CHL1: variants seen among roughly 807,000 people sequenced by gnomAD.
CHL1 encodes the protein cell adhesion molecule L1 like, also known as neural cell adhesion molecule L1-like protein.
CHL1 carries 96 observed loss-of-function variants against 141.9 expected under a neutral mutation model. The ratio of observed to expected loss-of-function variants is 0.68; its 90% CI spans 0.57 to 0.80. The LOEUF (loss-of-function observed/expected upper bound fraction) is 0.80, where lower values mean the gene tolerates loss of function less well. CHL1 is among the 30% of genes least tolerant of loss of function. The pLI is 0.00. For synonymous variants in CHL1, 613 were observed against 502.2 expected (o/e 1.22, Z -2.95); for missense variants, 1,820 against 1,457.2 (o/e 1.25, Z -4.05).
At chr3:222,021 A>C (rs918039495) in intron 1 of CHL1, among the ~76,000 whole-genome samples, 1 of 152,220 alleles carries the variant, frequency 6.6e-6, no homozygotes, top group Non-Finnish European at 1.5e-5. Context: ...AAGGCAGCAT[A>C]TATTTTGTAT....
At chr3:286,851 G>A (rs1697201506) in intron 2 of CHL1, among the ~76,000 whole-genome samples, 1 of 152,050 alleles carries the variant, frequency 6.6e-6, no homozygotes. Context: ...CATGGCATTT[G>A]TAAACTGTCA....
intron 5 of CHL1, among the ~76,000 whole-genome samples, chr3:330,118 G>C (rs149529692): frequency 4.1e-4 from 63 of 152,174 alleles, no homozygotes; most frequent in African/African-American, 1.3e-3. Context: ...GGTTATATTT[G>C]ATGATATATT....
chr3:227,849 G>A (rs1405079501), intron 1 of CHL1, among the ~76,000 whole-genome samples: 2 of 152,194 alleles, frequency 1.3e-5, no homozygotes, highest in Non-Finnish European at 2.9e-5. Context: ...TGTGTTTCCA[G>A]GAGTGGAGCC....
At chr3:197,338 G>C (rs1177514580) in intron 1 of CHL1, 1 of 153,828 alleles carries the variant, frequency 6.5e-6, no homozygotes, top group Non-Finnish European at 1.4e-5. Flanking sequence ...GCCCGAATCC[G>C]CCGGGTCCCA....
At chr3:242,458 T>G (rs536632239) in intron 1 of CHL1, among the ~76,000 whole-genome samples, 1 of 145,234 alleles carries the variant, frequency 6.9e-6, no homozygotes, top group Non-Finnish European at 1.5e-5. Context: ...TATCCCGGCG[T>G]GGTGGTGGGC....
intron 1 of CHL1, among the ~76,000 whole-genome samples, chr3:201,934 C>T (rs1016856394): frequency 2.0e-5 from 3 of 152,164 alleles, no homozygotes; most frequent in African/African-American, 7.2e-5. Flanking sequence ...ATTTCCTTTT[C>T]AGACTGTAAA....
At chr3:342,945 A>G (rs762784426) in intron 7 of CHL1, 39 bp from the exon 8 acceptor site, 1 of 1,534,752 alleles carries the variant, frequency 6.5e-7, no homozygotes, top group South Asian at 1.2e-5. Flanking sequence ...AGCATCCACC[A>G]TTATGTTTGT....
At chr3:349,564 T>C in intron 10 of CHL1, 21 bp downstream of exon 10, 6 of 1,598,670 alleles carry the variant, frequency 3.8e-6, no homozygotes, top group Non-Finnish European at 5.1e-6. Flanking sequence ...CATGTTGGTC[T>C]ATTTCTCTGC....
chr3:365,669 G>A (rs1364292796), intron 14 of CHL1, among the ~76,000 whole-genome samples: 1 of 152,162 alleles, frequency 6.6e-6, no homozygotes, highest in Non-Finnish European at 1.5e-5. Flanking sequence ...AACTTCTAGA[G>A]ACATTTGTTT....
chr3:284,044 C>T (rs1277190640), intron 2 of CHL1, among the ~76,000 whole-genome samples: 3 of 152,158 alleles, frequency 2.0e-5, no homozygotes, highest in Admixed American at 2.0e-4. Flanking sequence ...TACTATGTAC[C>T]AATTATCCAC....
intron 24 of CHL1, among the ~76,000 whole-genome samples, 177 bp downstream of exon 24, chr3:395,049 T>C (rs1708559511): frequency 6.6e-6 from 1 of 152,216 alleles, no homozygotes. Flanking sequence ...TATTAATCTG[T>C]TTGGAAAGTT....
intron 2 of CHL1, among the ~76,000 whole-genome samples, chr3:305,052 T>C (rs1039612774): frequency 2.6e-5 from 4 of 152,132 alleles, no homozygotes; most frequent in Admixed American, 6.6e-5. Context: ...TGAATTCAAA[T>C]TGCATGCCAA....
chr3:268,604 C>T (rs1226246342), intron 2 of CHL1, among the ~76,000 whole-genome samples: 2 of 152,022 alleles, frequency 1.3e-5, no homozygotes, highest in Admixed American at 6.6e-5. Flanking sequence ...TCTCAGTACA[C>T]ATTTTGGATT....
At chr3:345,117 G>A (rs1479977244) in intron 9 of CHL1, among the ~76,000 whole-genome samples, 1 of 152,138 alleles carries the variant, frequency 6.6e-6, no homozygotes, top group Non-Finnish European at 1.5e-5. Context: ...CATAAAATTA[G>A]ATCTCTCTGT....
chr3:398,171 A>G (rs1708829997), intron 24 of CHL1, 56 bp from the exon 25 acceptor site: 15 of 1,216,114 alleles, frequency 1.2e-5, no homozygotes, highest in African/African-American at 7.7e-5. Context: ...ATATTTTTTT[A>G]TGTCCTGTTT....
intron 1 of CHL1, among the ~76,000 whole-genome samples, chr3:225,829 G>T (rs1361131739): frequency 6.6e-6 from 1 of 152,018 alleles, no homozygotes; most frequent in Non-Finnish European, 1.5e-5. Context: ...CTAACTCTGT[G>T]AAAACCCGTC....
chr3:233,511 G>A (rs757942468), intron 1 of CHL1, among the ~76,000 whole-genome samples: 50 of 152,208 alleles, frequency 3.3e-4, no homozygotes, highest in Middle Eastern at 3.4e-3. Context: ...TGTAACGCAT[G>A]ATCATTAAAA....
chr3:251,100 G>A (rs924494488), intron 2 of CHL1, among the ~76,000 whole-genome samples: 2 of 152,086 alleles, frequency 1.3e-5, no homozygotes, highest in Non-Finnish European at 2.9e-5. Context: ...ACCTGTGGTG[G>A]TCAGAGAAAG....
intron 3 of CHL1, among the ~76,000 whole-genome samples, chr3:324,003 C>T (rs1700807239): frequency 6.6e-6 from 1 of 152,004 alleles, no homozygotes; most frequent in African/African-American, 2.4e-5. Flanking sequence ...CATAAGTAAA[C>T]ATTTTGAAAG....
Sources: gnomAD v4.1 joint callset for allele counts (sites outside exome capture counted in the v4.1 genomes callset) on GRCh38, gnomAD v4.1.1 for gene constraint, MANE v1.5 for transcripts, NCBI Gene and HGNC (gene_info 2026-07-23, HGNC 2026-07-21) for gene names.